Variants in SLC41A3 observed in about 807,000 individuals in gnomAD.
SLC41A3 encodes the protein SLC41A1-like 2.
In SLC41A3, 44 loss-of-function variants were observed where a neutral mutation model predicts 45.4. The ratio of observed to expected loss-of-function variants is 0.97; its 90% CI spans 0.76 to 1.25. SLC41A3 has a LOEUF of 1.25. SLC41A3 is among the 50% of genes most tolerant of loss of function. SLC41A3 has a pLI of 0.00. For missense variants in SLC41A3, 550 were observed against 600.6 expected (o/e 0.92, Z 0.88); for synonymous variants, 256 against 252.4 (o/e 1.01, Z -0.13).
Position 126,013,701 on chromosome 3 carries a change from C to T in SLC41A3, c.971-952G>A, listed in dbSNP as rs146208644. On this transcript the variant is annotated intron_variant, in intron 8 of 10. Coordinates refer to ENST00000360370, the MANE Select transcript of SLC41A3 (RefSeq NM_017836.4). ...TGGTCTGAGAGCGTTGAAGAAAAGA[C>T]GTTGTCTGCTGCATGATTTCAATTT... 9.4e-4 allele frequency among the ~76,000 whole-genome samples: 143 copies of T among 152,272 alleles called. 1 individual carries two copies. Among genetic ancestry groups the T allele is most frequent in the African/African-American group, 3.2e-3 (132 of 41,564 alleles).
At chr3:126,092,088 C>A (rs1381913990) in intron 1 of SLC41A3, among the ~76,000 whole-genome samples, 1 of 152,228 alleles carries the variant, frequency 6.6e-6, no homozygotes, top group Non-Finnish European at 1.5e-5. Flanking sequence ...CAAATTTATA[C>A]TGGTCCTGCT....
At chr3:126,056,404 G>A (rs756031196) in intron 2 of SLC41A3, 1 of 1,614,202 alleles carries the variant, frequency 6.2e-7, no homozygotes, top group East Asian at 2.2e-5. Context: ...GCACAAGCCG[G>A]ACAGCAGAAT....
chr3:126,047,223 T>C (rs1943024397), intron 3 of SLC41A3, among the ~76,000 whole-genome samples: 1 of 151,830 alleles, frequency 6.6e-6, no homozygotes, highest in African/African-American at 2.4e-5. Flanking sequence ...ATTAGCTAGG[T>C]GCAGTGGTTC....
chr3:126,026,433 A>G lies in SLC41A3; in HGVS notation c.500T>C (p.Leu167Pro), dbSNP rs1941354122. 1 of 1,599,812 alleles carries G rather than the reference A, an allele frequency of 6.3e-7. No individual in the cohort carries two copies. The highest frequency in any genetic ancestry group is 8.5e-7 in the Non-Finnish European group (1 of 1,173,036). Residue 167 changes from leucine (L) to proline (P), a missense_variant, in exon 5 of 11, where the codon CTG becomes CCG. Physicochemically the swap from Leu to Pro is moderately conservative, Grantham distance 98. Coordinates refer to ENST00000360370, the MANE Select transcript of SLC41A3 (RefSeq NM_017836.4). This position sits in a 1 kb window ranked among gnomAD's most constrained non-coding sequence, Gnocchi z 4.2. The stretch of plus-strand genomic sequence containing the variant: ...TTCCTCTCGAGACACCACGCCCAAC[A>G]GCAGCGCAGCCACAGCAGCCAAGAG... ...VGLLAAVAAL[L>P]LGVVSREEVD...
chr3:126,068,035 GTGGT>G lies in SLC41A3; in HGVS notation c.181_184del (p.Thr61ProfsTer4). Reference sequence around the variant, plus strand: ...GGTCACCTGAAGGCCTATGGACCAGGTGGTCTCCCTGCTAGGCTCAGTCTCCAGT... The same window carrying G: ...GGTCACCTGAAGGCCTATGGACCAGGCTCCCTGCTAGGCTCAGTCTCCAGT... On this transcript the variant is annotated frameshift_variant, in exon 2 of 11. Coordinates refer to ENST00000360370, the MANE Select transcript of SLC41A3 (RefSeq NM_017836.4). LOFTEE classifies it high-confidence loss of function. 1 of 1,613,920 alleles carries G rather than the reference GTGGT, an allele frequency of 6.2e-7. No individual in the cohort carries two copies. The highest frequency in any genetic ancestry group is 8.5e-7 in the Non-Finnish European group (1 of 1,179,988).
chr3:126,008,239 T>C (rs964241045), intron 10 of SLC41A3, among the ~76,000 whole-genome samples: 71 of 150,376 alleles, frequency 4.7e-4, no homozygotes, highest in Non-Finnish European at 3.6e-4. Context: ...CAAGATGACA[T>C]GTGTAGTATG....
chr3:126,062,542 A>G (rs62263490), intron 2 of SLC41A3, among the ~76,000 whole-genome samples: 47,307 of 151,944 alleles, frequency 0.31, 7,616 homozygotes, highest in Middle Eastern at 0.43. Context: ...CTTTTGACAC[A>G]CTCATTAAGG....
At chr3:126,012,220 G>A (rs1320119667) in intron 9 of SLC41A3, among the ~76,000 whole-genome samples, 3 of 152,178 alleles carry the variant, frequency 2.0e-5, no homozygotes, top group African/African-American at 7.2e-5. Context: ...TGTCCTCAGG[G>A]AGGAGCTTCC....
At chr3:126,071,538 C>G (rs992173435) in intron 1 of SLC41A3, among the ~76,000 whole-genome samples, 1 of 152,168 alleles carries the variant, frequency 6.6e-6, no homozygotes, top group African/African-American at 2.4e-5. Context: ...ACATTATAAA[C>G]CAATTAGATC....
intron 1 of SLC41A3, chr3:126,079,154 A>G (rs887375295): frequency 6.6e-6 from 1 of 152,014 alleles, no homozygotes; most frequent in Admixed American, 6.6e-5. Flanking sequence ...AGGGAAGTGG[A>G]CAGCCAGAAA....
At chr3:126,040,339 A>C (rs570292681) in intron 3 of SLC41A3, among the ~76,000 whole-genome samples, 6 of 152,336 alleles carry the variant, frequency 3.9e-5, no homozygotes, top group African/African-American at 1.2e-4. Context: ...AGTGCTGGAA[A>C]ACAAGAAGAG....
At chr3:126,098,931 T>G in intron 1 of SLC41A3, among the ~76,000 whole-genome samples, 1 of 99,962 alleles carries the variant, frequency 1.0e-5, no homozygotes, top group Non-Finnish European at 2.3e-5. Context: ...CTGGCTTTTT[T>G]TTTTTTTTTT....
intron 2 of SLC41A3, 50 bp downstream of exon 2, chr3:126,067,897 G>A: frequency 6.5e-7 from 1 of 1,526,846 alleles, no homozygotes; most frequent in South Asian, 1.3e-5. Flanking sequence ...TACTCTATAG[G>A]TGATGTTCGG....
chr3:126,082,717 G>A (rs141513922), intron 1 of SLC41A3, among the ~76,000 whole-genome samples: 428 of 152,344 alleles, frequency 2.8e-3, no homozygotes, highest in South Asian at 7.5e-3. Flanking sequence ...TAGGCGCCCC[G>A]TCAGCACCCC....
Position 126,012,985 on chromosome 3 carries a change from T to C in SLC41A3, c.971-236A>G, listed in dbSNP as rs1209969826. On this transcript the variant is annotated intron_variant, in intron 8 of 10. Coordinates refer to ENST00000360370, the MANE Select transcript of SLC41A3 (RefSeq NM_017836.4). ...CATCACCTTGACTGCTGGCATCTCT[T>C]AAGGTGAGGGGAGTGCGGCTGTAAA... is the stretch of plus-strand genomic sequence containing the variant. Among the ~76,000 whole-genome samples the C allele has an allele frequency of 7.2e-5, 11 of 152,024 alleles. No individual in the cohort carries two copies. The South Asian group carries it at 1.9e-3, about 26-fold the overall frequency.
intron 2 of SLC41A3, among the ~76,000 whole-genome samples, chr3:126,067,093 G>GCCCCC (rs1170798520): frequency 1.3e-5 from 1 of 74,508 alleles, no homozygotes; most frequent in African/African-American, 4.6e-5. Flanking sequence ...GGGTTGGACC[G>GCCCCC]CCCCCCCGCC....
At chr3:126,065,033 C>G (rs145788457) in intron 2 of SLC41A3, among the ~76,000 whole-genome samples, 2 of 152,258 alleles carry the variant, frequency 1.3e-5, no homozygotes, top group Non-Finnish European at 2.9e-5. Flanking sequence ...TAGGAGTGGC[C>G]TCGAGAAGTG....
In SLC41A3 at chr3:126,019,962, G is replaced by A. The variant is rs187184918; in HGVS notation, c.745+2824C>T. On this transcript the variant is annotated intron_variant, in intron 6 of 10. Transcript: ENST00000360370. ...TTCTGCTTGGCACTGCTCTAGTAGG[G>A]GAACTCTGCAGTGGCTTCAGCCCTG... Among the ~76,000 whole-genome samples, 13 of 152,146 alleles carry A rather than the reference G, an allele frequency of 8.5e-5. No homozygotes were observed. In the East Asian group the frequency reaches 2.5e-3, roughly 29 times the overall value.
exon 1 of SLC41A3, chr3:126,101,441 G>A (rs1366839372): frequency 6.6e-6 from 1 of 152,256 alleles, no homozygotes; most frequent in Non-Finnish European, 1.5e-5. Context: ...TACACTTTCA[G>A]GAGAATTATG....
Sources: allele counts gnomAD v4.1 joint callset (sites outside exome capture counted in the v4.1 genomes callset), GRCh38; gene constraint gnomAD v4.1.1; non-coding constraint Gnocchi (gnomAD v3.1); transcripts MANE v1.5; gene names NCBI Gene and HGNC (gene_info 2026-07-23, HGNC 2026-07-21).